The following BNC2 variants were observed in gnomAD, a reference collection of about 807,000 sequenced individuals.
BNC2 encodes zinc finger protein basonuclin-2.
Under a neutral mutation model 76.3 loss-of-function variants are expected in BNC2, and 20 were observed. The observed-to-expected ratio is 0.26, with a 90% CI of 0.18 to 0.38. BNC2 has a LOEUF of 0.38. BNC2 is among the 10% of genes least tolerant of loss of function. The pLI, the probability that BNC2 is intolerant of heterozygous loss-of-function variation, is 1.00. For missense variants in BNC2, 1,382 were observed against 1,399.8 expected, an observed-to-expected ratio of 0.99 and a Z score of 0.20; for synonymous variants, 582 against 514.8, an observed-to-expected ratio of 1.13 and a Z score of -1.77.
chr9:16,516,690 C>G (rs1156816598), intron 5 of BNC2, among the ~76,000 whole-genome samples: 1 of 151,876 alleles, frequency 6.6e-6, no homozygotes, highest in Non-Finnish European at 1.5e-5. Context: ...AATCCAAAGT[C>G]ATTTGAAAAA....
chr9:16,613,959 A>C (rs543617777), intron 3 of BNC2, among the ~76,000 whole-genome samples: 2 of 152,358 alleles, frequency 1.3e-5, no homozygotes, highest in South Asian at 4.1e-4. Context: ...GGAGATGAGC[A>C]GTACCATATG....
chr9:16,622,409 C>T (rs1042047659), intron 3 of BNC2, among the ~76,000 whole-genome samples: 8 of 152,014 alleles, frequency 5.3e-5, no homozygotes, highest in African/African-American at 1.5e-4. Context: ...ACCAAGATGA[C>T]GTATCAAATA....
chr9:16,564,872 A>G (rs1464805292), intron 4 of BNC2, among the ~76,000 whole-genome samples: 1 of 152,188 alleles, frequency 6.6e-6, no homozygotes, highest in Non-Finnish European at 1.5e-5. Flanking sequence ...CTGTAGATAA[A>G]AGTTTCTATC....
chr9:16,853,686 G>T (rs1819184256), intron 1 of BNC2, among the ~76,000 whole-genome samples: 1 of 152,092 alleles, frequency 6.6e-6, no homozygotes, highest in Non-Finnish European at 1.5e-5. Context: ...GGCCAACATG[G>T]TGAAACCCTG....
chr9:16,480,420 C>T (rs1822022794), intron 5 of BNC2, among the ~76,000 whole-genome samples: 1 of 152,240 alleles, frequency 6.6e-6, no homozygotes, highest in African/African-American at 2.4e-5. Context: ...ACTTGAGGAG[C>T]CCTTCAGCCC....
At chr9:16,734,722 G>A (rs56273237) in intron 2 of BNC2, among the ~76,000 whole-genome samples, 12,483 of 152,180 alleles carry the variant, frequency 0.082, 1,177 homozygotes, top group East Asian at 0.46. Flanking sequence ...ATCCAAGCCC[G>A]TGACAAAAGA....
At chr9:16,754,968 T>C (rs1218615393) in intron 1 of BNC2, among the ~76,000 whole-genome samples, 3 of 152,176 alleles carry the variant, frequency 2.0e-5, no homozygotes, top group Non-Finnish European at 4.4e-5. Flanking sequence ...CCCAACAAGA[T>C]ACTTCCCCCT....
rs191799261 is a variant in BNC2, at chr9:16,582,076, C to A, written c.433+907G>T. On this transcript the variant is annotated intron_variant, in intron 4 of 6. Coordinates refer to ENST00000380672, the MANE Select transcript of BNC2 (RefSeq NM_017637.6). ...ACATGACATTTATAAAAATACAACCCACTGGATGTTTGGCACTGCTTGGGA... is the reference window on the plus strand; with the variant it reads ...ACATGACATTTATAAAAATACAACCAACTGGATGTTTGGCACTGCTTGGGA... 2.0e-5 allele frequency among the ~76,000 whole-genome samples: 3 copies of A among 152,210 alleles called. No individual in the cohort carries two copies. In the East Asian group the frequency reaches 5.8e-4, roughly 29 times the overall value.
At chr9:16,610,509 G>T (rs988577981) in intron 3 of BNC2, among the ~76,000 whole-genome samples, 6 of 152,088 alleles carry the variant, frequency 3.9e-5, no homozygotes, top group African/African-American at 1.4e-4. Context: ...GGGTTATAAG[G>T]GTCTATGAAT....
chr9:16,665,422 A>G (rs1587290932), intron 3 of BNC2, among the ~76,000 whole-genome samples: 10 of 140,048 alleles, frequency 7.1e-5, no homozygotes, highest in South Asian at 2.3e-4. Context: ...AAAGAAAGGA[A>G]AGAAAGGAAA....
intron 5 of BNC2, among the ~76,000 whole-genome samples, chr9:16,477,039 G>A (rs1305494668): frequency 6.6e-6 from 1 of 152,128 alleles, no homozygotes; most frequent in Non-Finnish European, 1.5e-5. Flanking sequence ...CCACCATGTT[G>A]CTCCATCAGG....
intron 5 of BNC2, among the ~76,000 whole-genome samples, chr9:16,496,250 A>G (rs1161276525): frequency 6.6e-6 from 1 of 152,152 alleles, no homozygotes; most frequent in Non-Finnish European, 1.5e-5. Context: ...AAAACAAAAC[A>G]AAACAAAAAC....
chr9:16,516,268 G>A (rs1817423139), intron 5 of BNC2, among the ~76,000 whole-genome samples: 1 of 152,012 alleles, frequency 6.6e-6, no homozygotes, highest in Non-Finnish European at 1.5e-5. Flanking sequence ...CCAAGATGGG[G>A]CTGGTGTAGA....
intron 5 of BNC2, among the ~76,000 whole-genome samples, chr9:16,532,158 A>G (rs1817996574): frequency 6.6e-6 from 1 of 152,028 alleles, no homozygotes; most frequent in Non-Finnish European, 1.5e-5. Context: ...GGCATTAGGA[A>G]GCACTGACTA....
chr9:16,617,933 G>T (rs1025203990), intron 3 of BNC2, among the ~76,000 whole-genome samples: 2 of 152,200 alleles, frequency 1.3e-5, no homozygotes, highest in Non-Finnish European at 1.5e-5. Context: ...AAGCAGCCTG[G>T]CTCCACAGTC....
chr9:16,771,194 T>C (rs995089517), intron 1 of BNC2, among the ~76,000 whole-genome samples: 1 of 152,068 alleles, frequency 6.6e-6, no homozygotes, highest in Non-Finnish European at 1.5e-5. Flanking sequence ...TTAGCAAGGA[T>C]ACCTAATATG....
rs1824742453 is a variant in BNC2 at position 16,738,409 on chromosome 9, G to A, written c.80C>T (p.Pro27Leu). 6.2e-7 allele frequency: 1 copy of A among 1,614,056 alleles called. No homozygotes were observed. The highest frequency in any genetic ancestry group is 8.5e-7 in the Non-Finnish European group (1 of 1,179,974). ...ACAACATGGGACCTTGAAATATGCT[G>A]GCCAGTCTTGCTCACTAAGCCTGTC... is the stretch of plus-strand genomic sequence containing the variant. ...SEDRLSEQDW[P>L]AYFKVPCCGV... is the part of the protein sequence containing the mutation. Residue 27 changes from proline (P) to leucine (L), a missense_variant, in exon 2 of 7, where the codon CCA (proline) becomes CTA (leucine). This residue lies in a region of BNC2 where 557 missense variants were observed against 540.9 expected (regional missense o/e 1.03). Transcript: ENST00000380672.
At chr9:16,462,805 GTTCT>G (rs939548844) in intron 5 of BNC2, among the ~76,000 whole-genome samples, 4 of 152,014 alleles carry the variant, frequency 2.6e-5, no homozygotes, top group Non-Finnish European at 4.4e-5. Context: ...CCCTCTTTCT[GTTCT>G]TTGTTTTTGT....
intron 3 of BNC2, among the ~76,000 whole-genome samples, chr9:16,638,483 T>C (rs1449325356): frequency 6.6e-6 from 1 of 152,184 alleles, no homozygotes; most frequent in Non-Finnish European, 1.5e-5. Flanking sequence ...TAAGACATTT[T>C]AGTAAGTTAA....
Sources: allele counts gnomAD v4.1 joint callset (sites outside exome capture counted in the v4.1 genomes callset), GRCh38; gene constraint gnomAD v4.1.1; regional missense constraint gnomAD v4.1.1; transcripts MANE v1.5; gene names NCBI Gene and HGNC (gene_info 2026-07-23, HGNC 2026-07-21).